Variants in ARHGEF38 observed in about 807,000 individuals in gnomAD.
ARHGEF38 encodes the protein Rho guanine nucleotide exchange factor (GEF) 38.
ARHGEF38 carries 79 observed loss-of-function variants against 79.9 expected under a neutral mutation model. The ratio of observed to expected loss-of-function variants is 0.99; its 90% CI spans 0.82 to 1.19. ARHGEF38 has a LOEUF of 1.19. Ranked by LOEUF, ARHGEF38 falls within the 50% of genes most tolerant of loss-of-function variation. ARHGEF38 has a pLI of 0.00. For synonymous variants in ARHGEF38, 366 were observed against 328.3 expected, an observed-to-expected ratio of 1.11 and a Z score of -1.24; for missense variants, 962 against 907.2, an observed-to-expected ratio of 1.06 and a Z score of -0.78.
intron 3 of ARHGEF38, among the ~76,000 whole-genome samples, chr4:105,628,724 C>T (rs1437651738): frequency 1.3e-5 from 2 of 152,160 alleles, no homozygotes; most frequent in African/African-American, 4.8e-5. Flanking sequence ...CACAAACACA[C>T]ACACACTCAC....
rs112491821 is a variant in ARHGEF38 at position 105,593,254 on chromosome 4, C to A, written c.384+3819C>A. 1.4e-3 allele frequency among the ~76,000 whole-genome samples: 218 copies of A among 152,166 alleles called. 3 individuals carry two copies. Among genetic ancestry groups the A allele is most frequent in the African/African-American group, 5.1e-3 (211 of 41,536 alleles). ...TCAATATAAAAAACAGTAAAAAACA[C>A]GCCCAGTTGCAGTGGCTCACACCTG... is the stretch of plus-strand genomic sequence containing the variant. On this transcript the variant is annotated intron_variant, in intron 2 of 13. Coordinates refer to ENST00000420470, the MANE Select transcript of ARHGEF38 (RefSeq NM_001242729.2).
At chr4:105,621,808 C>T (rs1728744848) in intron 3 of ARHGEF38, among the ~76,000 whole-genome samples, 1 of 152,128 alleles carries the variant, frequency 6.6e-6, no homozygotes, top group East Asian at 1.9e-4. Context: ...CCAACTGGGA[C>T]TGGTTGGGAG....
At chr4:105,569,701 T>C (rs1726121752) in intron 1 of ARHGEF38, among the ~76,000 whole-genome samples, 1 of 152,190 alleles carries the variant, frequency 6.6e-6, no homozygotes, top group African/African-American at 2.4e-5. Flanking sequence ...CCCTCCACTT[T>C]CAGTGGTGTG....
chr4:105,609,774 G>A (rs969043211), intron 2 of ARHGEF38, among the ~76,000 whole-genome samples: 26 of 152,150 alleles, frequency 1.7e-4, no homozygotes, highest in African/African-American at 6.0e-4. Context: ...CTTTTGTAAA[G>A]CAATAAATTA....
Position 105,680,361 on chromosome 4 carries a change from A to G in ARHGEF38, c.*2424A>G, listed in dbSNP as rs1480722656. On this transcript the variant is annotated 3_prime_UTR_variant, in exon 14 of 14. Coordinates refer to ENST00000420470, the MANE Select transcript of ARHGEF38 (RefSeq NM_001242729.2). ...AGCACACTTGCTTATCTGTCCATTCATTCATTGAACCAGTAAGTATTTATT... is the reference window on the plus strand; with the variant it reads ...AGCACACTTGCTTATCTGTCCATTCGTTCATTGAACCAGTAAGTATTTATT... 1 of 247,180 alleles carries G rather than the reference A, an allele frequency of 4.0e-6. No homozygotes were observed. Among genetic ancestry groups the G allele is most frequent in the Non-Finnish European group, 8.0e-6 (1 of 125,494 alleles). 15.3% of individuals were successfully genotyped at this position (247,180 alleles called of 1,614,324 possible). A position where few individuals can be genotyped will look rare whatever the true frequency, so the allele number is the denominator to read the frequency against.
At chr4:105,673,151 T>G (rs1731010241) in intron 13 of ARHGEF38, among the ~76,000 whole-genome samples, 1 of 152,086 alleles carries the variant, frequency 6.6e-6, no homozygotes, top group African/African-American at 2.4e-5. Context: ...ATCACAGGAG[T>G]AATAGCACAT....
chr4:105,654,051 C>A lies in ARHGEF38; in HGVS notation c.1009-14C>A. 1 of 1,339,878 alleles carries A rather than the reference C, an allele frequency of 7.5e-7. No individual in the cohort carries two copies. Among genetic ancestry groups the A allele is most frequent in the Non-Finnish European group, 1.0e-6 (1 of 995,656 alleles). The allele number at this position is 1,339,878 out of a possible 1,614,324, so 83.0% of individuals were successfully genotyped here. A position where few individuals can be genotyped will look rare whatever the true frequency, so the allele number is the denominator to read the frequency against. ...TTCATTTGAGTTATGAAAATAATTTCATATATATTTTAGGTTAAAGACAAT... is the reference window on the plus strand; with the variant it reads ...TTCATTTGAGTTATGAAAATAATTTAATATATATTTTAGGTTAAAGACAAT... On this transcript the variant is annotated splice_polypyrimidine_tract_variant and intron_variant, in intron 7 of 13. Coordinates refer to ENST00000420470, the MANE Select transcript of ARHGEF38 (RefSeq NM_001242729.2).
intron 13 of ARHGEF38, among the ~76,000 whole-genome samples, chr4:105,677,484 T>C (rs1731164034): frequency 6.6e-6 from 1 of 152,218 alleles, no homozygotes; most frequent in Admixed American, 6.5e-5. Context: ...TTTAACATTA[T>C]TAAAAATCTT....
At chr4:105,635,468 C>A (rs1201917760) in intron 4 of ARHGEF38, among the ~76,000 whole-genome samples, 1 of 151,914 alleles carries the variant, frequency 6.6e-6, no homozygotes, top group African/African-American at 2.4e-5. Flanking sequence ...CCCATGTTTT[C>A]TGTAGGAGTT....
intron 8 of ARHGEF38, 78 bp downstream of exon 8, chr4:105,654,247 G>A: frequency 1.2e-6 from 1 of 831,646 alleles, no homozygotes; most frequent in Non-Finnish European, 1.8e-6. Context: ...TTGTTTTGAA[G>A]AGTAAATGTG....
intron 8 of ARHGEF38, among the ~76,000 whole-genome samples, chr4:105,655,335 T>C (rs975688452): frequency 3.3e-5 from 5 of 152,120 alleles, no homozygotes; most frequent in African/African-American, 1.2e-4. Flanking sequence ...AGCTAAAGAA[T>C]AGCTAATGAG....
intron 10 of ARHGEF38, among the ~76,000 whole-genome samples, chr4:105,660,399 T>C (rs1408129732): frequency 1.3e-5 from 2 of 152,076 alleles, no homozygotes; most frequent in African/African-American, 4.8e-5. Context: ...ATTCTGAGAA[T>C]GCATCTATAA....
chr4:105,607,617 T>C (rs906131943), intron 2 of ARHGEF38, among the ~76,000 whole-genome samples: 2 of 152,018 alleles, frequency 1.3e-5, no homozygotes, highest in South Asian at 2.1e-4. Flanking sequence ...CAGGGAGTAA[T>C]ACAAAGCAAG....
Position 105,645,321 on chromosome 4 carries a change from G to C in ARHGEF38, c.808G>C (p.Asp270His), listed in dbSNP as rs17036063. Residue 270 changes from aspartate (D) to histidine (H), a missense_variant, in exon 6 of 14, where the codon GAT (aspartate) becomes CAT (histidine). Coordinates refer to ENST00000420470, the MANE Select transcript of ARHGEF38 (RefSeq NM_001242729.2). ...TCACCCAGATTACAGAGCACTGGAC[G>C]ATGCCTTTGCTGCTGTGAAGGACAT... ...PSHPDYRALD[D>H]AFAAVKDINV... 6.3e-3 allele frequency: 9,645 copies of C among 1,535,926 alleles called. 445 individuals carry two copies. The African/African-American group carries it at 0.11, about 17-fold the overall frequency.
In ARHGEF38 at chr4:105,552,704, C is replaced by A. The variant is rs1384896067; in HGVS notation, c.-62C>A. ...GTCACTCTAGTAGCTTTAACCCTCA[C>A]CCTGAGGCACCTTAGCAATCAGCCA... On this transcript the variant is annotated 5_prime_UTR_variant, in exon 1 of 14. Coordinates refer to ENST00000420470, the MANE Select transcript of ARHGEF38 (RefSeq NM_001242729.2). 2.8e-6 allele frequency: 4 copies of A among 1,413,108 alleles called. No homozygotes were observed. The highest frequency in any genetic ancestry group is 2.3e-5 in the East Asian group (1 of 43,430). The allele number at this position is 1,413,108 out of a possible 1,614,324, so 87.5% of individuals were successfully genotyped here.
rs140153447 is a variant in ARHGEF38 at position 105,635,367 on chromosome 4, T to C, written c.657-1036T>C. Among the ~76,000 whole-genome samples, 133 of 152,232 alleles carry C rather than the reference T, an allele frequency of 8.7e-4. 1 individual carries two copies. In the East Asian group the frequency reaches 0.024, roughly 27 times the overall value. ...GGAAAATCTCTCAGATTCCCTTTCA[T>C]AAAGCGTTATACTACATAAACACAA... On this transcript the variant is annotated intron_variant, in intron 4 of 13. Coordinates refer to ENST00000420470, the MANE Select transcript of ARHGEF38 (RefSeq NM_001242729.2).
At chr4:105,613,299 GC>G in intron 2 of ARHGEF38, 84 bp from the exon 3 acceptor site, 2 of 1,430,808 alleles carry the variant, frequency 1.4e-6, no homozygotes, top group Non-Finnish European at 1.9e-6. Context: ...GCATGCGCTG[GC>G]ATTTAAAATG....
chr4:105,657,032 AGATAGATAGATAGATAGAT>A (rs1354488506), intron 9 of ARHGEF38, among the ~76,000 whole-genome samples: 1 of 133,884 alleles, frequency 7.5e-6, no homozygotes, highest in African/African-American at 2.8e-5. Context: ...GATAGATGAT[AGATAGATAGATAGATAGAT>A]GATAGATAGA....
intron 3 of ARHGEF38, among the ~76,000 whole-genome samples, chr4:105,619,245 G>C (rs1728638574): frequency 6.6e-6 from 1 of 151,680 alleles, no homozygotes; most frequent in African/African-American, 2.4e-5. Context: ...TTCTACAACA[G>C]CATTATCACT....
Sources: allele counts gnomAD v4.1 joint callset (sites outside exome capture counted in the v4.1 genomes callset), GRCh38; gene constraint gnomAD v4.1.1; transcripts MANE v1.5; gene names NCBI Gene and HGNC (gene_info 2026-07-23, HGNC 2026-07-21).